Variants in SLC25A13 observed in about 807,000 individuals in gnomAD.
The protein encoded by SLC25A13 is solute carrier family 25 member 13, also known as electrogenic aspartate/glutamate antiporter SLC25A13, mitochondrial.
In SLC25A13, 70 loss-of-function variants were observed where a neutral mutation model predicts 85.5. The observed-to-expected ratio is 0.82, with a 90% CI of 0.68 to 1.00. SLC25A13 has a LOEUF of 1.00. Ranked by LOEUF, SLC25A13 falls within the 50% of genes least tolerant of loss-of-function variation. The pLI is 0.00. For synonymous variants in SLC25A13, 259 were observed against 288.7 expected (o/e 0.90, Z 1.04); for missense variants, 765 against 819.8 (o/e 0.93, Z 0.82).
At chr7:96,125,879 A>C (rs1296952788) in intron 15 of SLC25A13, among the ~76,000 whole-genome samples, 1 of 151,936 alleles carries the variant, frequency 6.6e-6, no homozygotes, top group Non-Finnish European at 1.5e-5. Flanking sequence ...CTTTTCAAGA[A>C]AGCTTCTTTA....
At chr7:96,295,919 A>C (rs1458540889) in intron 2 of SLC25A13, among the ~76,000 whole-genome samples, 4 of 151,694 alleles carry the variant, frequency 2.6e-5, no homozygotes, top group Admixed American at 1.3e-4. Flanking sequence ...TGTGTATATT[A>C]TCTTACAAAA....
chr7:96,284,673 C>T (rs1798817631), intron 2 of SLC25A13, among the ~76,000 whole-genome samples: 1 of 152,202 alleles, frequency 6.6e-6, no homozygotes, highest in Admixed American at 6.5e-5. Flanking sequence ...ATAACTGAAT[C>T]ATGGGTGCGG....
chr7:96,165,543 A>C (rs1793706914), intron 13 of SLC25A13, among the ~76,000 whole-genome samples: 1 of 152,256 alleles, frequency 6.6e-6, no homozygotes, highest in Admixed American at 6.5e-5. Context: ...TCTGATAAGC[A>C]AAGCACATGA....
intron 13 of SLC25A13, 118 bp from the exon 14 acceptor site, chr7:96,146,814 A>C: frequency 8.0e-7 from 1 of 1,253,268 alleles, no homozygotes; most frequent in Non-Finnish European, 1.2e-6. Context: ...ATGTAGTTTC[A>C]GCCCTTGTCC....
chr7:96,275,050 T>G (rs1443375723), intron 3 of SLC25A13, among the ~76,000 whole-genome samples: 1 of 152,212 alleles, frequency 6.6e-6, no homozygotes, highest in East Asian at 1.9e-4. Context: ...GTGAAGAAAG[T>G]CATTGGTAGC....
intron 9 of SLC25A13, among the ~76,000 whole-genome samples, chr7:96,185,675 G>A (rs978375272): frequency 2.0e-5 from 3 of 152,030 alleles, no homozygotes; most frequent in Non-Finnish European, 2.9e-5. Flanking sequence ...TGGATCATGA[G>A]GTCAGGAGAT....
intron 1 of SLC25A13, among the ~76,000 whole-genome samples, chr7:96,311,781 G>T (rs1799961066): frequency 6.6e-6 from 1 of 151,928 alleles, no homozygotes; most frequent in African/African-American, 2.4e-5. Context: ...ACAGAGAAAT[G>T]AAAAGAAGTA....
In SLC25A13 at chr7:96,208,859, C is replaced by A; in HGVS notation, c.447G>T (p.Ala149=). The A allele has an allele frequency of 6.2e-7, 1 of 1,614,022 alleles. No individual in the cohort carries two copies. The highest frequency in any genetic ancestry group is 1.1e-5 in the South Asian group (1 of 91,074). ...CCACCAATAAAAACTGAGTAAATTC[C>A]GCATATGTCAGGTGTCTTTTTCTTT... is the stretch of plus-strand genomic sequence containing the variant. ...GKERKRHLTY[A]EFTQFLLEIQ... The change falls in exon 5 of 18, where the codon GCG becomes GCT. Residue 149 remains alanine, a synonymous_variant. Transcript: ENST00000265631.
In SLC25A13 at chr7:96,234,186, T is replaced by C. The variant is rs553732144; in HGVS notation, c.328+616A>G. 4.6e-5 allele frequency among the ~76,000 whole-genome samples: 7 copies of C among 152,326 alleles called. No homozygotes were observed. The South Asian group carries it at 6.2e-4, about 14-fold the overall frequency. On this transcript the variant is annotated intron_variant, in intron 4 of 17. Coordinates refer to ENST00000265631, the MANE Select transcript of SLC25A13 (RefSeq NM_014251.3). Reference sequence around the variant, plus strand: ...CAAGCCTTCCCTTTCTTCTAAGAATTTGAAAAACATCAGGGTTTTCTGCAG... The same window carrying C: ...CAAGCCTTCCCTTTCTTCTAAGAATCTGAAAAACATCAGGGTTTTCTGCAG...
rs1258203422 is a variant in SLC25A13 at position 96,120,761 on chromosome 7, T to C, written c.*430A>G. Reference sequence around the variant, plus strand: ...ATATTTTTTCATTTCTCCCAGTGTTTTTTATTTTTATAAATATGCACCTAG... The same window carrying C: ...ATATTTTTTCATTTCTCCCAGTGTTCTTTATTTTTATAAATATGCACCTAG... On this transcript the variant is annotated 3_prime_UTR_variant, in exon 18 of 18. Transcript: ENST00000265631. The C allele has an allele frequency of 4.4e-6, 2 of 454,892 alleles. No homozygotes were observed. The highest frequency in any genetic ancestry group is 6.9e-4 in the Middle Eastern group (1 of 1,446). The allele number at this position is 454,892 out of a possible 1,614,324, so 28.2% of individuals were successfully genotyped here.
chr7:96,280,146 C>T (rs1294440923), intron 2 of SLC25A13, among the ~76,000 whole-genome samples: 1 of 152,142 alleles, frequency 6.6e-6, no homozygotes, highest in Non-Finnish European at 1.5e-5. Flanking sequence ...TGCAAGATTA[C>T]ATGCTATAAC....
chr7:96,299,807 T>C (rs1004731751), intron 1 of SLC25A13, among the ~76,000 whole-genome samples: 1 of 152,198 alleles, frequency 6.6e-6, no homozygotes, highest in Non-Finnish European at 1.5e-5. Flanking sequence ...CCTAGGCAAA[T>C]GAGATAGCCT....
intron 5 of SLC25A13, among the ~76,000 whole-genome samples, chr7:96,200,182 T>A (rs1396798580): frequency 6.6e-6 from 1 of 152,210 alleles, no homozygotes. Context: ...AGCAAAGAGT[T>A]AATAAGGAAA....
In SLC25A13 at chr7:96,189,631, G is replaced by A. The variant is rs988236127; in HGVS notation, c.798C>T (p.Pro266=). The change falls in exon 8 of 18, where the codon CCC becomes CCT. Residue 266 remains proline, a synonymous_variant. Coordinates refer to ENST00000265631, the MANE Select transcript of SLC25A13 (RefSeq NM_014251.3). ...LAAQKFGQVT[P]MEVDILFQLA... The stretch of plus-strand genomic sequence containing the variant: ...ACTGAAACAAGATGTCAACTTCCAT[G>A]GGTGTAACCTGACCAAATTTCTGAG... 2.3e-5 allele frequency: 37 copies of A among 1,612,778 alleles called. No individual in the cohort carries two copies. Among genetic ancestry groups the A allele is most frequent in the Non-Finnish European group, 3.1e-5 (36 of 1,179,882 alleles).
chr7:96,227,010 T>C lies in SLC25A13; in HGVS notation c.328+7792A>G, dbSNP rs77494573. The stretch of plus-strand genomic sequence containing the variant: ...TTCTGAAGTTTCTTTAAATGTATTA[T>C]ATTCAATATGTAGTAAAATATATCT... On this transcript the variant is annotated intron_variant, in intron 4 of 17. Coordinates refer to ENST00000265631, the MANE Select transcript of SLC25A13 (RefSeq NM_014251.3). 4.0e-3 allele frequency among the ~76,000 whole-genome samples: 606 copies of C among 152,336 alleles called. 5 individuals carry two copies. Among genetic ancestry groups the C allele is most frequent in the Non-Finnish European group, 5.7e-3 (385 of 68,024 alleles).
Position 96,170,042 on chromosome 7 carries a change from T to TA in SLC25A13, c.1311+2dup, listed in dbSNP as rs1562811734. 4 of 1,613,970 alleles carry TA rather than the reference T, an allele frequency of 2.5e-6. No individual in the cohort carries two copies. Among genetic ancestry groups the TA allele is most frequent in the Admixed American group, 3.3e-5 (2 of 60,026 alleles). On this transcript the variant is annotated splice_region_variant and intron_variant, in intron 13 of 17. Transcript: ENST00000265631. ...AATGAAGAGAGCTTCAAAAGGTACT[T>TA]ACGCAGCCTCCAGCAAGAATTTCTG...
At chr7:96,287,825 C>T (rs1049573930) in intron 2 of SLC25A13, among the ~76,000 whole-genome samples, 4 of 152,180 alleles carry the variant, frequency 2.6e-5, no homozygotes, top group Non-Finnish European at 4.4e-5. Context: ...GATAGGTCCT[C>T]GGTTCAAAGA....
intron 3 of SLC25A13, among the ~76,000 whole-genome samples, chr7:96,276,827 T>C (rs1283760928): frequency 2.0e-5 from 3 of 152,168 alleles, no homozygotes; most frequent in East Asian, 1.9e-4. Context: ...AGAAAGATTA[T>C]AGAAAAGTAA....
intron 1 of SLC25A13, chr7:96,306,723 A>G: frequency 1.0e-6 from 1 of 992,758 alleles, no homozygotes; most frequent in South Asian, 1.4e-5. Flanking sequence ...ATCCACTTCC[A>G]TCTTCTCTTT....
Sources: allele counts gnomAD v4.1 joint callset (sites outside exome capture counted in the v4.1 genomes callset), GRCh38; gene constraint gnomAD v4.1.1; transcripts MANE v1.5; gene names NCBI Gene and HGNC (gene_info 2026-07-23, HGNC 2026-07-21).